Variants in NTNG1 observed in about 807,000 individuals in gnomAD.
NTNG1 encodes netrin G1.
Under a neutral mutation model 54.0 loss-of-function variants are expected in NTNG1, and 16 were observed. That is an observed-to-expected ratio of 0.30 (90% CI 0.20 to 0.45). NTNG1 has a LOEUF of 0.45. NTNG1 is among the 20% of genes least tolerant of loss of function. NTNG1 has a pLI of 1.00. For missense variants in NTNG1, 530 were observed against 678.7 expected (o/e 0.78, Z 2.43); for synonymous variants, 255 against 263.1 (o/e 0.97, Z 0.30).
chr1:107,150,451 G>A lies in NTNG1; in HGVS notation c.246+1612G>A, dbSNP rs578105104. Among the ~76,000 whole-genome samples the A allele has an allele frequency of 2.0e-4, 31 of 152,260 alleles. No homozygotes were observed. The South Asian group carries it at 2.5e-3, about 12-fold the overall frequency. On this transcript the variant is annotated intron_variant, in intron 2 of 7. Transcript: ENST00000370068. Reference sequence around the variant, plus strand: ...GGTGATAGGTTGTATAGTCTTCTACGCCTTATAGCAGAGGATGAGTTCCAG... The same window carrying A: ...GGTGATAGGTTGTATAGTCTTCTACACCTTATAGCAGAGGATGAGTTCCAG...
At chr1:107,264,457 T>C (rs1557854427) in intron 2 of NTNG1, among the ~76,000 whole-genome samples, 1 of 152,194 alleles carries the variant, frequency 6.6e-6, no homozygotes, top group Non-Finnish European at 1.5e-5. Flanking sequence ...TCCTTCACAA[T>C]CTTATGACAA....
chr1:107,375,555 T>G (rs1231487615), intron 3 of NTNG1, among the ~76,000 whole-genome samples: 2 of 152,234 alleles, frequency 1.3e-5, no homozygotes, highest in Non-Finnish European at 2.9e-5. Context: ...TGATCAGCTA[T>G]TTTTAAATGG....
At chr1:107,189,461 GA>G (rs963880801) in intron 2 of NTNG1, among the ~76,000 whole-genome samples, 45 of 133,424 alleles carry the variant, frequency 3.4e-4, no homozygotes, top group East Asian at 4.8e-4. Context: ...CAGTGGTCTT[GA>G]AAAAAAAAAG....
intron 2 of NTNG1, among the ~76,000 whole-genome samples, chr1:107,165,509 G>A (rs1655725777): frequency 6.6e-6 from 1 of 152,072 alleles, no homozygotes; most frequent in Admixed American, 6.6e-5. Flanking sequence ...CCTTAACAAT[G>A]CACTCACCAT....
At chr1:107,383,066 A>G (rs1347901441) in intron 3 of NTNG1, among the ~76,000 whole-genome samples, 1 of 152,232 alleles carries the variant, frequency 6.6e-6, no homozygotes, top group African/African-American at 2.4e-5. Context: ...TCTTTTACAC[A>G]GATTTGATGT....
intron 2 of NTNG1, among the ~76,000 whole-genome samples, chr1:107,272,729 T>C (rs74387162): frequency 0.034 from 5,223 of 152,282 alleles, 299 homozygotes; most frequent in African/African-American, 0.12. Context: ...AGGGGCAATA[T>C]TGAGGTTTAA....
chr1:107,342,019 AAAAC>A (rs1345604309), intron 3 of NTNG1, among the ~76,000 whole-genome samples: 2 of 152,106 alleles, frequency 1.3e-5, no homozygotes, highest in African/African-American at 4.8e-5. Context: ...AGATAGGATA[AAAAC>A]AAATTATGTA....
chr1:107,179,157 A>G (rs1363649090), intron 2 of NTNG1, among the ~76,000 whole-genome samples: 1 of 152,212 alleles, frequency 6.6e-6, no homozygotes, highest in Non-Finnish European at 1.5e-5. Flanking sequence ...AAGACAATGT[A>G]CCACACTCTT....
chr1:107,171,785 T>C (rs1656259361), intron 2 of NTNG1, among the ~76,000 whole-genome samples: 1 of 152,208 alleles, frequency 6.6e-6, no homozygotes, highest in Admixed American at 6.5e-5. Context: ...CTGTTCACTT[T>C]ATCTAAGTCA....
At chr1:107,437,351 C>T (rs932334618) in intron 7 of NTNG1, among the ~76,000 whole-genome samples, 3 of 152,148 alleles carry the variant, frequency 2.0e-5, no homozygotes, top group Admixed American at 2.0e-4. Flanking sequence ...AGGCACTATG[C>T]GAGGAGCTGT....
intron 7 of NTNG1, among the ~76,000 whole-genome samples, chr1:107,476,505 C>G (rs1678340342): frequency 1.3e-5 from 2 of 152,308 alleles, no homozygotes; most frequent in African/African-American, 4.8e-5. Flanking sequence ...ACATTTCTCT[C>G]TCTCCTGACC....
intron 7 of NTNG1, among the ~76,000 whole-genome samples, chr1:107,441,335 A>G (rs916970850): frequency 1.3e-5 from 2 of 152,180 alleles, no homozygotes; most frequent in African/African-American, 4.8e-5. Flanking sequence ...ACACATGGGA[A>G]TATGCTGCAG....
chr1:107,283,708 T>G (rs533258091), intron 2 of NTNG1, among the ~76,000 whole-genome samples: 72 of 152,290 alleles, frequency 4.7e-4, no homozygotes, highest in African/African-American at 1.5e-3. Context: ...CCATGTTAGC[T>G]TCTTCAGTTT....
intron 3 of NTNG1, among the ~76,000 whole-genome samples, chr1:107,380,315 T>C (rs1671564437): frequency 6.6e-6 from 1 of 152,224 alleles, no homozygotes; most frequent in African/African-American, 2.4e-5. Flanking sequence ...TGCCTTACTT[T>C]GTTTAAAGTA....
intron 7 of NTNG1, among the ~76,000 whole-genome samples, chr1:107,471,053 T>C (rs1677944151): frequency 2.0e-5 from 3 of 152,180 alleles, no homozygotes; most frequent in South Asian, 2.1e-4. Context: ...TGAGTGAGGC[T>C]CTTTAATGGT....
In NTNG1 at chr1:107,480,937, AC is replaced by A; in HGVS notation, c.*102del. 4.6e-6 allele frequency: 4 copies of A among 861,542 alleles called. No individual in the cohort carries two copies. The highest frequency in any genetic ancestry group is 5.4e-6 in the Non-Finnish European group (3 of 550,600). 53.4% of individuals were successfully genotyped at this position (861,542 alleles called of 1,614,324 possible). A position where few individuals can be genotyped will look rare whatever the true frequency, so the allele number is the denominator to read the frequency against. ...ACATAGGAAACACACACATACAGAC[AC>A]CCCCACTCAGACAGTGTACAAACTA... On this transcript the variant is annotated 3_prime_UTR_variant, in exon 8 of 8. Coordinates refer to ENST00000370068, the MANE Select transcript of NTNG1 (RefSeq NM_001113226.3).
Position 107,184,570 on chromosome 1 carries a change from C to A in NTNG1, c.246+35731C>A, listed in dbSNP as rs575706048. Among the ~76,000 whole-genome samples, 17 of 152,176 alleles carry A rather than the reference C, an allele frequency of 1.1e-4. No homozygotes were observed. The East Asian group carries it at 3.1e-3, about 28-fold the overall frequency. On this transcript the variant is annotated intron_variant, in intron 2 of 7. Transcript: ENST00000370068. The stretch of plus-strand genomic sequence containing the variant: ...AGCTGATGGAGTTCCTTTAAAAAAA[C>A]TTCATGGCTTCCTGTATCAATTTAT...
At chr1:107,363,963 T>C (rs1001682157) in intron 3 of NTNG1, among the ~76,000 whole-genome samples, 4 of 152,192 alleles carry the variant, frequency 2.6e-5, no homozygotes, top group Non-Finnish European at 5.9e-5. Flanking sequence ...TGTCTCTTTT[T>C]ATTTTCTGAT....
chr1:107,430,943 T>C, intron 6 of NTNG1, 26 bp downstream of exon 6: 1 of 1,607,658 alleles, frequency 6.2e-7, no homozygotes, highest in Middle Eastern at 1.7e-4. Context: ...ATTTCAGCTA[T>C]TCTTCTGTGC....
Sources: gnomAD v4.1 joint callset for allele counts (sites outside exome capture counted in the v4.1 genomes callset) on GRCh38, gnomAD v4.1.1 for gene constraint, MANE v1.5 for transcripts, NCBI Gene and HGNC (gene_info 2026-07-23, HGNC 2026-07-21) for gene names.